Variants in PTPRD observed in about 807,000 individuals in gnomAD.
PTPRD encodes protein tyrosine phosphatase receptor type D, also known as receptor-type tyrosine-protein phosphatase delta.
PTPRD carries 34 observed loss-of-function variants against 214.5 expected under a neutral mutation model. That is an observed-to-expected ratio of 0.16 (90% CI 0.12 to 0.21). The LOEUF (loss-of-function observed/expected upper bound fraction) is 0.21, where lower values mean the gene tolerates loss of function less well. PTPRD is among the 10% of genes least tolerant of loss of function. The probability of loss-of-function intolerance (pLI) is 1.00; values close to 1 mark genes in which losing one functional copy is unlikely to be tolerated. For synonymous variants in PTPRD, 1,128 were observed against 845.7 expected (o/e 1.33, Z -5.79); for missense variants, 2,545 against 2,398.7 (o/e 1.06, Z -1.27).
chr9:8,657,271 G>A (rs1417997074), intron 12 of PTPRD, among the ~76,000 whole-genome samples: 4 of 150,434 alleles, frequency 2.7e-5, no homozygotes, highest in African/African-American at 9.8e-5. Flanking sequence ...GGGTTCAAGT[G>A]ATTCTCTTGC....
At chr9:9,110,584 G>A (rs750386226) in intron 10 of PTPRD, among the ~76,000 whole-genome samples, 1 of 152,006 alleles carries the variant, frequency 6.6e-6, no homozygotes, top group Non-Finnish European at 1.5e-5. Flanking sequence ...TAAGACCAGA[G>A]GCTCAAGTCA....
intron 4 of PTPRD, among the ~76,000 whole-genome samples, chr9:9,990,812 T>C (rs10816272): frequency 0.29 from 43,766 of 152,098 alleles, 6,518 homozygotes; most frequent in Middle Eastern, 0.38. Context: ...TTAGAGAGGA[T>C]GTGCTCACCA....
At chr9:8,390,584 T>C (rs2089162149) in intron 36 of PTPRD, among the ~76,000 whole-genome samples, 1 of 152,178 alleles carries the variant, frequency 6.6e-6, no homozygotes, top group African/African-American at 2.4e-5. Flanking sequence ...GTCTCTTTTA[T>C]TCACCTTTGC....
intron 5 of PTPRD, among the ~76,000 whole-genome samples, chr9:9,802,895 T>C (rs2099050582): frequency 6.6e-6 from 1 of 151,882 alleles, no homozygotes; most frequent in Non-Finnish European, 1.5e-5. Flanking sequence ...ACACTAATAA[T>C]GCATATAATT....
chr9:9,881,209 T>G (rs2068575778), intron 5 of PTPRD, among the ~76,000 whole-genome samples: 1 of 152,136 alleles, frequency 6.6e-6, no homozygotes, highest in African/African-American at 2.4e-5. Flanking sequence ...AATTTGGACA[T>G]TCAAAGAAAA....
chr9:9,906,775 T>G (rs1566178352), intron 5 of PTPRD, among the ~76,000 whole-genome samples: 1 of 151,968 alleles, frequency 6.6e-6, no homozygotes, highest in South Asian at 2.1e-4. Context: ...ACATGGAGTT[T>G]TTTGTTACAG....
chr9:9,354,518 C>G (rs926573050), intron 9 of PTPRD, among the ~76,000 whole-genome samples: 1 of 142,118 alleles, frequency 7.0e-6, no homozygotes, highest in African/African-American at 2.8e-5. Context: ...TTTTAAAAAC[C>G]TACATTTTTT....
intron 10 of PTPRD, among the ~76,000 whole-genome samples, chr9:9,144,684 G>A (rs1163603374): frequency 6.6e-6 from 1 of 151,964 alleles, no homozygotes; most frequent in Non-Finnish European, 1.5e-5. Context: ...ACCTGGGAGG[G>A]GGAGGTTGCA....
At chr9:8,578,909 A>G (rs1564478422) in intron 14 of PTPRD, among the ~76,000 whole-genome samples, 3 of 152,342 alleles carry the variant, frequency 2.0e-5, no homozygotes, top group East Asian at 3.9e-4. Context: ...CAGGCATTGT[A>G]TTCTGTTCCT....
intron 5 of PTPRD, chr9:9,800,435 T>C (rs1329267004): frequency 2.0e-5 from 3 of 152,210 alleles, no homozygotes; most frequent in African/African-American, 7.2e-5. Flanking sequence ...GAAAAGGGAC[T>C]AGTGTGATCC....
At chr9:9,197,936 T>C (rs1245611841) in intron 9 of PTPRD, among the ~76,000 whole-genome samples, 1 of 152,202 alleles carries the variant, frequency 6.6e-6, no homozygotes, top group Admixed American at 6.5e-5. Flanking sequence ...GGGAATTGCA[T>C]AGCATCAAGC....
intron 9 of PTPRD, among the ~76,000 whole-genome samples, chr9:9,221,963 G>A (rs948812322): frequency 6.6e-6 from 1 of 151,992 alleles, no homozygotes; most frequent in Admixed American, 6.6e-5. Flanking sequence ...ACAAAATCCT[G>A]AAGTGATCTT....
intron 5 of PTPRD, among the ~76,000 whole-genome samples, chr9:9,879,799 G>T (rs191572535): frequency 8.5e-5 from 13 of 152,270 alleles, no homozygotes; most frequent in South Asian, 2.1e-4. Flanking sequence ...TGGTTTTTCT[G>T]ATCAGCTTAA....
intron 11 of PTPRD, among the ~76,000 whole-genome samples, chr9:8,844,459 C>A (rs1157942415): frequency 6.6e-6 from 1 of 151,970 alleles, no homozygotes; most frequent in Non-Finnish European, 1.5e-5. Flanking sequence ...AGTCACTGAG[C>A]AGTTTGGTAT....
At chr9:9,838,899 G>C (rs1250925182) in intron 5 of PTPRD, among the ~76,000 whole-genome samples, 1 of 151,946 alleles carries the variant, frequency 6.6e-6, no homozygotes, top group Non-Finnish European at 1.5e-5. Flanking sequence ...TATGGTTTTA[G>C]GTCTAATGTT....
intron 11 of PTPRD, among the ~76,000 whole-genome samples, chr9:8,754,030 A>T (rs2093763888): frequency 6.6e-6 from 1 of 152,182 alleles, no homozygotes; most frequent in African/African-American, 2.4e-5. Flanking sequence ...CTGTAATCCC[A>T]GCTAGTCAGG....
chr9:8,987,638 A>G (rs1423063775), intron 11 of PTPRD, among the ~76,000 whole-genome samples: 1 of 152,066 alleles, frequency 6.6e-6, no homozygotes, highest in African/African-American at 2.4e-5. Flanking sequence ...GCTTATGTGG[A>G]CTAGTGGTTT....
At chr9:9,801,736 G>C (rs568318914) in intron 5 of PTPRD, among the ~76,000 whole-genome samples, 2 of 152,092 alleles carry the variant, frequency 1.3e-5, no homozygotes, top group South Asian at 4.1e-4. Context: ...AACTATTAAA[G>C]GTTAAATTCA....
chr9:9,383,711 G>A (rs1432920442), intron 9 of PTPRD, among the ~76,000 whole-genome samples: 1 of 152,048 alleles, frequency 6.6e-6, no homozygotes, highest in African/African-American at 2.4e-5. Context: ...GGTAAGTGTA[G>A]GGTAAGTCCT....
Sources: gnomAD v4.1 joint callset for allele counts (sites outside exome capture counted in the v4.1 genomes callset) on GRCh38, gnomAD v4.1.1 for gene constraint, MANE v1.5 for transcripts, NCBI Gene and HGNC (gene_info 2026-07-23, HGNC 2026-07-21) for gene names.